Variants in NUP155 observed in about 807,000 individuals in gnomAD.
NUP155 encodes the protein nucleoporin 155.
In NUP155, 71 loss-of-function variants were observed where a neutral mutation model predicts 180.4. The ratio of observed to expected loss-of-function variants is 0.39; its 90% confidence interval spans 0.33 to 0.48. The LOEUF is 0.48. Among genes scored for constraint, NUP155 ranks in the 20% least tolerant of loss-of-function variants. The probability of loss-of-function intolerance (pLI) is 0.91; values close to 1 mark genes in which losing one functional copy is unlikely to be tolerated. For synonymous variants in NUP155, 582 were observed against 559.5 expected (o/e 1.04, Z -0.57); for missense variants, 1,553 against 1,648.9 (o/e 0.94, Z 1.01).
At chr5:37,351,595 C>T (rs1267541044) in intron 5 of NUP155, among the ~76,000 whole-genome samples, 1 of 151,748 alleles carries the variant, frequency 6.6e-6, no homozygotes, top group East Asian at 2.0e-4. Flanking sequence ...TACAGGCGCC[C>T]GCCACCATGC....
At position 37,329,377 on chromosome 5, in the gene NUP155, C is replaced by T. The variant is rs113247020; in HGVS notation, c.1725-99G>A. 2.3e-5 allele frequency: 20 copies of T among 870,786 alleles called. No homozygotes were observed. The East Asian group carries it at 5.1e-4, about 22-fold the overall frequency. 53.9% of individuals were successfully genotyped at this position (870,786 alleles called of 1,614,324 possible). On this transcript the variant is annotated intron_variant, in intron 15 of 34. Transcript: ENST00000231498. Reference sequence around the variant, plus strand: ...TTCCTGTTTAGCTTCCAAGTAAATGCTTTAAACATTAGAGACTTCAATGTA... The same window carrying T: ...TTCCTGTTTAGCTTCCAAGTAAATGTTTTAAACATTAGAGACTTCAATGTA...
rs1382037530 is a variant in NUP155, at chr5:37,337,925, G to A, written c.1247-7C>T. ...GCTGCCATCAATAGAATACCTAAAA[G>A]TTTAATATACAAAATATTATTACAT... On this transcript the variant is annotated splice_region_variant and splice_polypyrimidine_tract_variant and intron_variant, in intron 11 of 34. Coordinates refer to ENST00000231498, the MANE Select transcript of NUP155 (RefSeq NM_153485.3). 2.1e-6 allele frequency: 3 copies of A among 1,461,982 alleles called. No individual in the cohort carries two copies. In the East Asian group the frequency reaches 6.8e-5, roughly 33 times the overall value. The allele number at this position is 1,461,982 out of a possible 1,614,324, so 90.6% of individuals were successfully genotyped here. A position where few individuals can be genotyped will look rare whatever the true frequency, so the allele number is the denominator to read the frequency against.
chr5:37,308,752 C>T (rs893839278), intron 24 of NUP155, among the ~76,000 whole-genome samples: 9 of 150,248 alleles, frequency 6.0e-5, no homozygotes, highest in Admixed American at 1.3e-4. Flanking sequence ...TGGTGGCGTG[C>T]GCCTGTAATA....
chr5:37,307,786 G>T (rs1301896857), intron 24 of NUP155, among the ~76,000 whole-genome samples: 2 of 151,828 alleles, frequency 1.3e-5, no homozygotes, highest in Admixed American at 6.6e-5. Flanking sequence ...GCTGGGCCTG[G>T]TGGCATGCGC....
In NUP155 at chr5:37,351,186, T is replaced by A. The variant is rs780087434; in HGVS notation, c.723+4A>T. The A allele has an allele frequency of 6.2e-7, 1 of 1,612,722 alleles. No individual in the cohort carries two copies. Among genetic ancestry groups the A allele is most frequent in the East Asian group, 2.2e-5 (1 of 44,782 alleles). On this transcript the variant is annotated splice_donor_region_variant and intron_variant, in intron 6 of 34. Coordinates refer to ENST00000231498, the MANE Select transcript of NUP155 (RefSeq NM_153485.3). ...AAAAAAACGTTTACAAATGTCAGAC[T>A]TACCTGGTAGGCTACTTCATATAAA...
At chr5:37,323,891 C>G in intron 20 of NUP155, 101 bp downstream of exon 20, 1 of 781,360 alleles carries the variant, frequency 1.3e-6, no homozygotes. Flanking sequence ...AAATACTAAA[C>G]TGCACACTTT....
At chr5:37,351,879 T>C (rs1322716350) in intron 5 of NUP155, among the ~76,000 whole-genome samples, 1 of 151,986 alleles carries the variant, frequency 6.6e-6, no homozygotes, top group Non-Finnish European at 1.5e-5. Flanking sequence ...TGAGTGTGTG[T>C]GTGTGTGTGT....
intron 26 of NUP155, 90 bp from the exon 27 acceptor site, chr5:37,304,933 T>TC: frequency 6.6e-7 from 1 of 1,508,524 alleles, no homozygotes; most frequent in Non-Finnish European, 9.2e-7. Context: ...CAGTAAGAAA[T>TC]CAAGAATCCT....
intron 9 of NUP155, among the ~76,000 whole-genome samples, chr5:37,343,352 G>A (rs936730374): frequency 2.0e-5 from 3 of 152,160 alleles, no homozygotes; most frequent in African/African-American, 7.2e-5. Context: ...GGCATTACAG[G>A]TGTGAGCCAC....
At position 37,307,611 on chromosome 5, in the gene NUP155, G is replaced by T. The variant is rs374040014; in HGVS notation, c.2768-179C>A. The stretch of plus-strand genomic sequence containing the variant: ...GGAAAAGGTCTTAATATGCCTAAAA[G>T]GCAACTGTTAAATATATTTCTTCAT... On this transcript the variant is annotated intron_variant, in intron 24 of 34. Transcript: ENST00000231498. Among the ~76,000 whole-genome samples the T allele has an allele frequency of 4.6e-5, 7 of 152,134 alleles. 1 individual carries two copies. The highest frequency in any genetic ancestry group is 3.9e-4 in the Admixed American group (6 of 15,264).
At chr5:37,339,309 A>G (rs1212820674) in intron 11 of NUP155, among the ~76,000 whole-genome samples, 2 of 146,200 alleles carry the variant, frequency 1.4e-5, no homozygotes, top group Admixed American at 6.9e-5. Flanking sequence ...CACTGTCTCA[A>G]AAAAAAAAAA....
At chr5:37,304,017 G>A (rs1008721056) in intron 27 of NUP155, among the ~76,000 whole-genome samples, 3 of 151,858 alleles carry the variant, frequency 2.0e-5, no homozygotes, top group Non-Finnish European at 4.4e-5. Flanking sequence ...GGAAGCTGAG[G>A]TGGGCAGATC....
At chr5:37,365,897 T>C (rs1161447209) in intron 1 of NUP155, among the ~76,000 whole-genome samples, 1 of 151,580 alleles carries the variant, frequency 6.6e-6, no homozygotes, top group Non-Finnish European at 1.5e-5. Flanking sequence ...AATATAAAAC[T>C]GCTTTGGGGC....
chr5:37,350,156 T>C lies in NUP155; in HGVS notation c.829+4A>G, dbSNP rs1427327749. 2 of 1,603,274 alleles carry C rather than the reference T, an allele frequency of 1.2e-6. No individual in the cohort carries two copies. Among genetic ancestry groups the C allele is most frequent in the Non-Finnish European group, 1.7e-6 (2 of 1,170,294 alleles). On this transcript the variant is annotated splice_donor_region_variant and intron_variant, in intron 7 of 34. Transcript: ENST00000231498. ...ACTTGCCAAATTTATTGTTTTCTAC[T>C]TACCATCTTCTGAGAACGTGAATTG...
intron 32 of NUP155, among the ~76,000 whole-genome samples, chr5:37,297,934 G>GAA (rs11303544): frequency 4.5e-5 from 6 of 132,836 alleles, no homozygotes; most frequent in East Asian, 2.3e-4. Flanking sequence ...ATGCTCATTT[G>GAA]AAAAAAAAAA....
intron 12 of NUP155, among the ~76,000 whole-genome samples, chr5:37,336,141 A>G (rs1001324487): frequency 1.3e-5 from 2 of 152,140 alleles, no homozygotes; most frequent in Non-Finnish European, 2.9e-5. Flanking sequence ...GTTTGAGAAA[A>G]ACTCAAATAT....
intron 9 of NUP155, among the ~76,000 whole-genome samples, chr5:37,346,697 A>C (rs939651439): frequency 6.6e-6 from 1 of 151,114 alleles, no homozygotes; most frequent in Non-Finnish European, 1.5e-5. Context: ...AGAGAGAGAG[A>C]GCGTTTGCAG....
At chr5:37,345,777 G>A (rs1178310819) in intron 9 of NUP155, among the ~76,000 whole-genome samples, 2 of 151,762 alleles carry the variant, frequency 1.3e-5, no homozygotes, top group Admixed American at 6.6e-5. Context: ...AGTGGTGCGC[G>A]CCTATAGTCC....
At chr5:37,364,436 C>A in intron 1 of NUP155, 52 bp from the exon 2 acceptor site, 1 of 1,541,708 alleles carries the variant, frequency 6.5e-7, no homozygotes, top group South Asian at 1.1e-5. Context: ...ATCAACCGGG[C>A]AAACAAAAGG....
Sources: gnomAD v4.1 joint callset for allele counts (sites outside exome capture counted in the v4.1 genomes callset) on GRCh38, gnomAD v4.1.1 for gene constraint, MANE v1.5 for transcripts, NCBI Gene and HGNC (gene_info 2026-07-23, HGNC 2026-07-21) for gene names.